CES4A: variants seen among roughly 807,000 people sequenced by gnomAD.
The protein encoded by CES4A is carboxylesterase 4A.
CES4A carries 48 observed loss-of-function variants against 65.4 expected under a neutral mutation model. That is an observed-to-expected ratio of 0.73 (90% CI 0.58 to 0.93). CES4A has a LOEUF of 0.93. Among genes scored for constraint, CES4A ranks in the 40% least tolerant of loss-of-function variants. The pLI is 0.00. For synonymous variants in CES4A, 247 were observed against 281.8 expected, an observed-to-expected ratio of 0.88 and a Z score of 1.24; for missense variants, 685 against 728.5, an observed-to-expected ratio of 0.94 and a Z score of 0.69.
rs1449458815 is a variant in CES4A, at chr16:66,995,608, C to T, written c.59-20C>T. 6.2e-7 allele frequency: 1 copy of T among 1,610,570 alleles called. No individual in the cohort carries two copies. ...GCTGGGTGACTGAGCAGAGGTGACC[C>T]TTTTCCCTTCTCTTCCCAGGTGCCT... On this transcript the variant is annotated intron_variant, in intron 1 of 13. Coordinates refer to ENST00000648724, the Ensembl canonical transcript of CES4A.
chr16:67,004,806 C>T lies in CES4A; in HGVS notation c.1094C>T (p.Pro365Leu), dbSNP rs772170492. 14 of 1,535,950 alleles carry T rather than the reference C, an allele frequency of 9.1e-6. No homozygotes were observed. Among genetic ancestry groups the T allele is most frequent in the East Asian group, 2.4e-5 (1 of 40,928 alleles). ...TCTTGTGAACAGATCATGAAGTTCC[C>T]GCTAAACCGGCAGGCGATGAGAAAG... is the stretch of plus-strand genomic sequence containing the variant. The change falls in exon 10 of 14, where the codon CCG (proline) becomes CTG (leucine). Residue 365 changes from proline (P) to leucine (L), a missense_variant. Pro to Leu is a moderately conservative substitution (Grantham distance 98). Coordinates refer to ENST00000648724, the Ensembl canonical transcript of CES4A.
chr16:66,991,680 G>T (rs1240018567), intron 1 of CES4A, among the ~76,000 whole-genome samples: 1 of 152,198 alleles, frequency 6.6e-6, no homozygotes, highest in Non-Finnish European at 1.5e-5. Flanking sequence ...GAAAAACATG[G>T]TTTAAGGCAC....
exon 2 of CES4A, chr16:66,995,731 C>T: frequency 6.2e-7 from 1 of 1,614,178 alleles, no homozygotes; most frequent in East Asian, 2.2e-5. Context: ...TTTTAGGAGT[C>T]CCCTTCTCCA....
At chr16:67,005,126 C>T in intron 10 of CES4A, 114 bp from the exon 11 acceptor site, 2 of 1,098,994 alleles carry the variant, frequency 1.8e-6, no homozygotes, top group South Asian at 1.3e-5. Context: ...TCCCTTTCTC[C>T]CCCTCCCAGG....
At chr16:67,010,087 C>T (rs1294334462), downstream of CES4A, among the ~76,000 whole-genome samples, 60 of 139,364 alleles carry the variant, frequency 4.3e-4, 1 homozygote, top group African/African-American at 1.2e-3. Flanking sequence ...TTTTTTGAGA[C>T]GGAGTTTTGC....
chr16:66,994,006 CAGG>C (rs1964604016), intron 1 of CES4A, among the ~76,000 whole-genome samples: 1 of 151,224 alleles, frequency 6.6e-6, no homozygotes, highest in African/African-American at 2.4e-5. Context: ...GAGGCTGAGG[CAGG>C]AGAATGGCAT....
chr16:67,008,728 T>C, intron 13 of CES4A: 1 of 451,504 alleles, frequency 2.2e-6, no homozygotes, highest in Non-Finnish European at 4.0e-6. Context: ...TACCTAACTC[T>C]TGACTTGTGC....
Position 66,988,809 on chromosome 16 carries a change from C to A in CES4A, c.37C>A (p.Leu13Met), listed in dbSNP as rs747434311. The change falls in exon 1 of 14, where the codon CTG becomes ATG. Residue 13 changes from leucine to methionine, a missense_variant. Leu to Met is a conservative substitution (Grantham distance 15). Transcript: ENST00000648724. Reference sequence around the variant, plus strand: ...TCTGTGCTGGAGCCTCACCCTCTGCCTGATGGCGCAGACGGCCTTGGGTAA... The same window carrying A: ...TCTGTGCTGGAGCCTCACCCTCTGCATGATGGCGCAGACGGCCTTGGGTAA... 30 of 1,569,580 alleles carry A rather than the reference C, an allele frequency of 1.9e-5. No homozygotes were observed. The South Asian group carries it at 3.4e-4, about 18-fold the overall frequency.
In CES4A at chr16:67,003,047, T is replaced by G. The variant is rs1442231160; in HGVS notation, c.691-23T>G. The G allele has an allele frequency of 5.0e-6, 8 of 1,598,312 alleles. No homozygotes were observed. The highest frequency in any genetic ancestry group is 6.0e-6 in the Non-Finnish European group (7 of 1,165,842). On this transcript the variant is annotated intron_variant, in intron 5 of 13. Transcript: ENST00000648724. This position sits in a 1 kb window ranked among gnomAD's most constrained non-coding sequence, Gnocchi z 4.2. ...TGTCTCTACTTGGGCATCTCACGGG[T>G]GTATTCCTCCCTGTTCTTGCAGATG... is the stretch of plus-strand genomic sequence containing the variant.
chr16:67,000,522 C>A lies in CES4A; in HGVS notation c.261-116C>A. 6.9e-7 allele frequency: 1 copy of A among 1,456,052 alleles called. No homozygotes were observed. Among genetic ancestry groups the A allele is most frequent in the Non-Finnish European group, 9.1e-7 (1 of 1,101,910 alleles). The allele number at this position is 1,456,052 out of a possible 1,614,324, so 90.2% of individuals were successfully genotyped here. ...ACACGCACACGCACGCACATGCGCACGCACACGCACGCGCACAGACGCTGC... is the reference window on the plus strand; with the variant it reads ...ACACGCACACGCACGCACATGCGCAAGCACACGCACGCGCACAGACGCTGC... On this transcript the variant is annotated intron_variant, in intron 2 of 13. Transcript: ENST00000648724. This position sits in a 1 kb window ranked among gnomAD's most constrained non-coding sequence, Gnocchi z 4.2.
Position 67,000,594 on chromosome 16 carries a change from G to T in CES4A, c.261-44G>T. Reference sequence around the variant, plus strand: ...GTCTTCTCACTGCGGACCCTGGATTGAAACGATCTCCCCGCGGCCGCCGCC... The same window carrying T: ...GTCTTCTCACTGCGGACCCTGGATTTAAACGATCTCCCCGCGGCCGCCGCC... On this transcript the variant is annotated intron_variant, in intron 2 of 13. Coordinates refer to ENST00000648724, the Ensembl canonical transcript of CES4A. This position sits in a 1 kb window ranked among gnomAD's most constrained non-coding sequence, Gnocchi z 4.2. 6.6e-7 allele frequency: 1 copy of T among 1,522,630 alleles called. No homozygotes were observed. The highest frequency in any genetic ancestry group is 8.8e-7 in the Non-Finnish European group (1 of 1,130,256). The allele number at this position is 1,522,630 out of a possible 1,614,324, so 94.3% of individuals were successfully genotyped here.
chr16:67,000,019 A>T lies in CES4A; in HGVS notation c.261-619A>T, dbSNP rs1965153780. On this transcript the variant is annotated intron_variant, in intron 2 of 13. Transcript: ENST00000648724. The surrounding 1 kb of genome is among the most constrained non-coding windows in gnomAD (Gnocchi z 4.2). Reference sequence around the variant, plus strand: ...GCTGGGACAGAGATGACTGGATGGAAAGGAGGGCCTGGGTACTCCGCGTAT... The same window carrying T: ...GCTGGGACAGAGATGACTGGATGGATAGGAGGGCCTGGGTACTCCGCGTAT... 6.6e-6 allele frequency among the ~76,000 whole-genome samples: 1 copy of T among 152,130 alleles called. No individual in the cohort carries two copies. Among genetic ancestry groups the T allele is most frequent in the Non-Finnish European group, 1.5e-5 (1 of 68,014 alleles).
chr16:66,995,838 C>T lies in CES4A; in HGVS notation c.260+9C>T. 6.2e-7 allele frequency: 1 copy of T among 1,612,066 alleles called. No homozygotes were observed. The highest frequency in any genetic ancestry group is 8.5e-7 in the Non-Finnish European group (1 of 1,179,242). ...ACCACCTACCCGCCTGGGTAAGAGT[C>T]AGAGGCCTGTCCACTGGGAGGGGGC... On this transcript the variant is annotated intron_variant, in intron 2 of 13. Transcript: ENST00000648724.
At chr16:66,991,072 T>C (rs1964350988) in intron 1 of CES4A, among the ~76,000 whole-genome samples, 1 of 152,162 alleles carries the variant, frequency 6.6e-6, no homozygotes, top group Admixed American at 6.6e-5. Context: ...TCTCCCAGGC[T>C]GGAGCACAGT....
chr16:66,999,886 C>T (rs1214525179), intron 2 of CES4A, among the ~76,000 whole-genome samples: 2 of 152,084 alleles, frequency 1.3e-5, no homozygotes, highest in African/African-American at 2.4e-5. Flanking sequence ...GCCTTAAACA[C>T]GAATAGGAGT....
chr16:67,006,884 G>A, intron 13 of CES4A, 67 bp downstream of exon 13: 1 of 1,464,932 alleles, frequency 6.8e-7, no homozygotes, highest in South Asian at 1.2e-5. Context: ...GAAGCCAGCT[G>A]CTTCGGATAT....
Position 67,001,098 on chromosome 16 carries a change from G to A in CES4A, c.536+108G>A, listed in dbSNP as rs1196269339. 1.1e-5 allele frequency: 12 copies of A among 1,107,768 alleles called. No homozygotes were observed. In the East Asian group the frequency reaches 2.6e-4, roughly 24 times the overall value. The allele number at this position is 1,107,768 out of a possible 1,614,324, so 68.6% of individuals were successfully genotyped here. ...GCGGGGATGGGGGGGGTGGGGCCGC[G>A]AGGCGGGGGCGGGGCCTGGCGCTCG... On this transcript the variant is annotated intron_variant, in intron 4 of 13. Transcript: ENST00000648724. This position sits in a 1 kb window ranked among gnomAD's most constrained non-coding sequence, Gnocchi z 4.1.
At chr16:66,995,718 T>A in exon 2 of CES4A, 1 of 1,614,180 alleles carries the variant, frequency 6.2e-7, no homozygotes, top group Non-Finnish European at 8.5e-7. Flanking sequence ...CCCATCCAAG[T>A]CTTTTTAGGA....
Position 67,006,726 on chromosome 16 carries a change from C to T in CES4A, c.1445-19C>T, listed in dbSNP as rs770615695. The T allele has an allele frequency of 4.3e-6, 7 of 1,612,910 alleles. No homozygotes were observed. The Admixed American group carries it at 1.2e-4, about 27-fold the overall frequency. ...GTCCCCTGCTCTGTCCGAAATCCCACATCCCATTCTGCCCCCAGGCCTTTC... is the reference window on the plus strand; with the variant it reads ...GTCCCCTGCTCTGTCCGAAATCCCATATCCCATTCTGCCCCCAGGCCTTTC... On this transcript the variant is annotated intron_variant, in intron 12 of 13. Transcript: ENST00000648724.
Sources: allele counts gnomAD v4.1 joint callset (sites outside exome capture counted in the v4.1 genomes callset), GRCh38; gene constraint gnomAD v4.1.1; non-coding constraint Gnocchi (gnomAD v3.1); transcripts MANE v1.5; gene names NCBI Gene and HGNC (gene_info 2026-07-23, HGNC 2026-07-21).